SORCS1: variants seen among roughly 807,000 people sequenced by gnomAD.
The protein encoded by SORCS1 is sortilin related VPS10 domain containing receptor 1.
A neutral mutation model predicts 146.1 loss-of-function variants in SORCS1; 60 were observed. That is an observed-to-expected ratio of 0.41 (90% CI 0.33 to 0.51). The LOEUF (loss-of-function observed/expected upper bound fraction) is 0.51, where lower values mean the gene tolerates loss of function less well. Ranked by LOEUF, SORCS1 falls within the 20% of genes least tolerant of loss-of-function variation. The probability of loss-of-function intolerance (pLI) is 0.21; values close to 1 mark genes in which losing one functional copy is unlikely to be tolerated. For missense variants in SORCS1, 1,352 were observed against 1,487.6 expected (o/e 0.91, Z 1.50); for synonymous variants, 637 against 584.0 (o/e 1.09, Z -1.31).
chr10:106,716,109 TAAA>T (rs1855352598), intron 6 of SORCS1, among the ~76,000 whole-genome samples: 2 of 152,132 alleles, frequency 1.3e-5, no homozygotes, highest in South Asian at 4.1e-4. Flanking sequence ...AGTACGTTTT[TAAA>T]AACACCATGA....
chr10:106,966,524 A>G (rs1452837048), intron 1 of SORCS1, among the ~76,000 whole-genome samples: 1 of 152,290 alleles, frequency 6.6e-6, no homozygotes, highest in South Asian at 2.1e-4. Flanking sequence ...TCTGCATGGC[A>G]CTGAAATTGA....
chr10:106,992,029 C>G (rs188759155), intron 1 of SORCS1, among the ~76,000 whole-genome samples: 1 of 144,126 alleles, frequency 6.9e-6, no homozygotes, highest in Non-Finnish European at 1.5e-5. Context: ...TAATGTGACT[C>G]GTTGTGAATA....
chr10:107,033,483 G>A (rs950826683), intron 1 of SORCS1, among the ~76,000 whole-genome samples: 2 of 152,194 alleles, frequency 1.3e-5, no homozygotes, highest in African/African-American at 4.8e-5. Flanking sequence ...CTTGGCAGGG[G>A]CATAGCATAG....
chr10:106,666,521 C>T (rs1212740419), intron 17 of SORCS1, among the ~76,000 whole-genome samples: 2 of 151,504 alleles, frequency 1.3e-5, no homozygotes, highest in Non-Finnish European at 2.9e-5. Flanking sequence ...CCTCCATAAT[C>T]GAATGAGCCA....
chr10:106,855,974 A>G (rs1053855790), intron 2 of SORCS1, among the ~76,000 whole-genome samples: 1 of 152,062 alleles, frequency 6.6e-6, no homozygotes, highest in African/African-American at 2.4e-5. Context: ...ACCATAGTCA[A>G]TAGGCCTTTA....
At chr10:106,917,947 T>C (rs943884196) in intron 2 of SORCS1, among the ~76,000 whole-genome samples, 2 of 152,200 alleles carry the variant, frequency 1.3e-5, no homozygotes, top group African/African-American at 4.8e-5. Context: ...TAGTAATTGT[T>C]TTCTCAATAG....
At chr10:106,994,390 TATGTA>T (rs931533462) in intron 1 of SORCS1, among the ~76,000 whole-genome samples, 4 of 152,156 alleles carry the variant, frequency 2.6e-5, no homozygotes, top group Admixed American at 2.6e-4. Context: ...TACTATTCAG[TATGTA>T]ATTCAGTGCT....
rs892458399 is a variant in SORCS1, at chr10:106,848,902, T to G, written c.627-19229A>C. Among the ~76,000 whole-genome samples the G allele has an allele frequency of 4.0e-5, 6 of 149,522 alleles. No individual in the cohort carries two copies. The South Asian group carries it at 1.3e-3, about 32-fold the overall frequency. On this transcript the variant is annotated intron_variant, in intron 2 of 25. Coordinates refer to ENST00000263054, the MANE Select transcript of SORCS1 (RefSeq NM_052918.5). Reference sequence around the variant, plus strand: ...TGAAAATTCTTTTCTTTAAGTATGTTGAATATTGGCCCCCACTCTCTTCTG... The same window carrying G: ...TGAAAATTCTTTTCTTTAAGTATGTGGAATATTGGCCCCCACTCTCTTCTG...
intron 1 of SORCS1, among the ~76,000 whole-genome samples, chr10:107,144,887 T>C (rs1968175771): frequency 2.6e-5 from 4 of 152,226 alleles, no homozygotes; most frequent in African/African-American, 2.4e-5. Flanking sequence ...TAAGGGTATA[T>C]GTGTGACAAA....
At chr10:106,760,461 A>AT (rs1456334441) in intron 5 of SORCS1, among the ~76,000 whole-genome samples, 3 of 150,732 alleles carry the variant, frequency 2.0e-5, no homozygotes, top group Admixed American at 6.6e-5. Flanking sequence ...AAAAAAAAAA[A>AT]AAAAGAGGAA....
intron 5 of SORCS1, among the ~76,000 whole-genome samples, chr10:106,751,883 GA>G (rs1858273066): frequency 6.6e-6 from 1 of 152,108 alleles, no homozygotes; most frequent in Non-Finnish European, 1.5e-5. Context: ...TAGTACACAA[GA>G]TAGAAATATG....
At chr10:106,804,846 A>C (rs1947084639) in intron 3 of SORCS1, among the ~76,000 whole-genome samples, 1 of 152,192 alleles carries the variant, frequency 6.6e-6, no homozygotes, top group Non-Finnish European at 1.5e-5. Flanking sequence ...ATTGTTTCTA[A>C]AGATAGATAA....
chr10:107,038,167 T>C (rs893552970), intron 1 of SORCS1, among the ~76,000 whole-genome samples: 4 of 152,156 alleles, frequency 2.6e-5, no homozygotes, highest in African/African-American at 9.7e-5. Context: ...TACAGCCAAG[T>C]GTCACCAAAC....
intron 3 of SORCS1, among the ~76,000 whole-genome samples, chr10:106,806,457 T>C (rs1354924754): frequency 1.4e-5 from 2 of 147,666 alleles, no homozygotes; most frequent in Admixed American, 1.4e-4. Context: ...TACCTACCCA[T>C]GGATATAAAT....
intron 2 of SORCS1, among the ~76,000 whole-genome samples, chr10:106,840,658 G>C (rs936924444): frequency 1.4e-4 from 21 of 151,872 alleles, no homozygotes; most frequent in African/African-American, 4.8e-4. Context: ...AGTATTGCAT[G>C]CTACAGAGAA....
intron 3 of SORCS1, among the ~76,000 whole-genome samples, chr10:106,785,078 C>T (rs559138962): frequency 6.6e-6 from 1 of 152,248 alleles, no homozygotes; most frequent in South Asian, 2.1e-4. Flanking sequence ...CCCAAAATAC[C>T]CTGCTTTGGT....
intron 1 of SORCS1, among the ~76,000 whole-genome samples, chr10:106,988,797 T>C (rs1956606980): frequency 6.6e-6 from 1 of 152,146 alleles, no homozygotes; most frequent in African/African-American, 2.4e-5. Context: ...ATTTTCAGAA[T>C]TTGTAATAAA....
chr10:106,643,345 G>T lies in SORCS1; in HGVS notation c.2475+9037C>A, dbSNP rs1209755443. On this transcript the variant is annotated intron_variant, in intron 18 of 25. Coordinates refer to ENST00000263054, the MANE Select transcript of SORCS1 (RefSeq NM_052918.5). ...TTGTGTCAAGTGTCAATTCTCCTCAGCTTTTCAGAGACACTCTGTGTCTCT... is the reference window on the plus strand; with the variant it reads ...TTGTGTCAAGTGTCAATTCTCCTCATCTTTTCAGAGACACTCTGTGTCTCT... 2.6e-5 allele frequency among the ~76,000 whole-genome samples: 4 copies of T among 152,204 alleles called. No homozygotes were observed. The East Asian group carries it at 5.8e-4, about 22-fold the overall frequency.
At chr10:107,039,848 G>C (rs1302517391) in intron 1 of SORCS1, among the ~76,000 whole-genome samples, 1 of 152,164 alleles carries the variant, frequency 6.6e-6, no homozygotes, top group Non-Finnish European at 1.5e-5. Context: ...AGTGGTTCAC[G>C]TCTATAACCT....
Sources: gnomAD v4.1 joint callset for allele counts (sites outside exome capture counted in the v4.1 genomes callset) on GRCh38, gnomAD v4.1.1 for gene constraint, MANE v1.5 for transcripts, NCBI Gene and HGNC (gene_info 2026-07-23, HGNC 2026-07-21) for gene names.